Variants in ERCC5 observed in about 807,000 individuals in gnomAD.
ERCC5 encodes the protein DNA excision repair protein ERCC-5.
ERCC5 carries 68 observed loss-of-function variants against 105.6 expected under a neutral mutation model. That is an observed-to-expected ratio of 0.64 (90% confidence interval 0.53 to 0.79). The LOEUF (loss-of-function observed/expected upper bound fraction) is 0.79, where lower values mean the gene tolerates loss of function less well. Among genes scored for constraint, ERCC5 ranks in the 30% least tolerant of loss-of-function variants. ERCC5 has a pLI of 0.00. For synonymous variants in ERCC5, 546 were observed against 526.2 expected (o/e 1.04, Z -0.51); for missense variants, 1,373 against 1,426.7 (o/e 0.96, Z 0.61).
Position 102,865,329 on chromosome 13 carries a change from G to A in ERCC5, c.1955-338G>A, listed in dbSNP as rs187027566. On this transcript the variant is annotated intron_variant, in intron 8 of 14. Transcript: ENST00000652225. The surrounding 1 kb of genome is among the most constrained non-coding windows in gnomAD (Gnocchi z 4.0). ...AACATACTGAGCAACTTCCATGATT[G>A]TTTATATACTTTGATAATCCTCCTT... 2.7e-4 allele frequency: 95 copies of A among 350,810 alleles called. No individual in the cohort carries two copies. The highest frequency in any genetic ancestry group is 8.9e-4 in the Admixed American group (22 of 24,606). The allele number at this position is 350,810 out of a possible 1,614,324, so 21.7% of individuals were successfully genotyped here.
chr13:102,863,996 C>T (rs1882740644), intron 8 of ERCC5, among the ~76,000 whole-genome samples: 1 of 151,884 alleles, frequency 6.6e-6, no homozygotes, highest in South Asian at 2.1e-4. Context: ...GAAATGTGTT[C>T]ATATATATGT....
Position 102,852,203 on chromosome 13 carries a change from GT to G in ERCC5, c.177del (p.His60IlefsTer24). On this transcript the variant is annotated frameshift_variant, in exon 2 of 15. Transcript: ENST00000652225. LOFTEE classifies it high-confidence loss of function. ...TAGAAAATCCTCATCTTCTCACTTTGTTTCATCGGCTCTGCAAACTCTTATT... is the reference window on the plus strand; with the variant it reads ...TAGAAAATCCTCATCTTCTCACTTTGTTCATCGGCTCTGCAAACTCTTATT... The part of the protein sequence containing the change: ...SIENPHLLTL[F>X]HRLCKLLFFR... 6.2e-7 allele frequency: 1 copy of G among 1,614,078 alleles called. No individual in the cohort carries two copies. The highest frequency in any genetic ancestry group is 2.2e-5 in the East Asian group (1 of 44,862).
chr13:102,868,340 G>GT, intron 12 of ERCC5, 83 bp downstream of exon 12: 22 of 1,522,326 alleles, frequency 1.4e-5, no homozygotes, highest in Non-Finnish European at 1.7e-5. Context: ...AGCATGAACT[G>GT]TCATGCTGTA....
At position 102,864,126 on chromosome 13, in the gene ERCC5, CCACACACACACA is replaced by C. The variant is rs10647676; in HGVS notation, c.1954+1052_1954+1063del. ...TGGCCACTTTGAATAAGAGAATCAACCACACACACACACACACACACACACACACACACACAC... is the reference window on the plus strand; with the variant it reads ...TGGCCACTTTGAATAAGAGAATCAACCACACACACACACACACACACACAC... On this transcript the variant is annotated intron_variant, in intron 8 of 14. Coordinates refer to ENST00000652225, the MANE Select transcript of ERCC5 (RefSeq NM_000123.4). Among the ~76,000 whole-genome samples the C allele has an allele frequency of 1.6e-3, 226 of 140,968 alleles. 1 individual carries two copies. The highest frequency in any genetic ancestry group is 5.8e-3 in the African/African-American group (215 of 37,186). The allele number at this position is 140,968 out of a possible 152,430, so 92.5% of individuals were successfully genotyped here.
At position 102,875,580 on chromosome 13, in the gene ERCC5, G is replaced by C. The variant is rs9514067; in HGVS notation, c.3238G>C (p.Gly1080Arg). Residue 1080 changes from glycine to arginine, a missense_variant, in exon 15 of 15, where the codon GGA becomes CGA. By Grantham distance (125) the Gly-to-Arg change is moderately radical. Transcript: ENST00000652225. ...AAGAAAGAGGCTTTCAGATTCTAAA[G>C]GAAAGAATACATGCGGTGGATTTTT... ...LKRKRLSDSK[G>R]KNTCGGFLGE... is the part of the protein sequence containing the mutation. 1 allele frequency: 1,612,514 copies of C among 1,613,176 alleles called. 805,928 individuals carry two copies. Among genetic ancestry groups the C allele is most frequent in the Middle Eastern group, 1 (6,058 of 6,058 alleles).
Position 102,866,350 on chromosome 13 carries a change from C to T in ERCC5, c.2288C>T (p.Thr763Ile), listed in dbSNP as rs2140532044. The stretch of plus-strand genomic sequence containing the variant: ...CAGCAGCAAGAACGGATCGCTGCTA[C>T]TGTCACCGGACAGATGTTCCTGGAA... ...QKQQQERIAA[T>I]VTGQMFLESQ... Residue 763 changes from threonine to isoleucine, a missense_variant, in exon 10 of 15, where the codon ACT becomes ATT. Coordinates refer to ENST00000652225, the MANE Select transcript of ERCC5 (RefSeq NM_000123.4). The T allele has an allele frequency of 6.2e-7, 1 of 1,614,188 alleles. No individual in the cohort carries two copies. Among genetic ancestry groups the T allele is most frequent in the Non-Finnish European group, 8.5e-7 (1 of 1,180,002 alleles).
Position 102,852,241 on chromosome 13 carries a change from G to T in ERCC5, c.212G>T (p.Arg71Leu). 1 of 1,613,918 alleles carries T rather than the reference G, an allele frequency of 6.2e-7. No homozygotes were observed. Among genetic ancestry groups the T allele is most frequent in the Non-Finnish European group, 8.5e-7 (1 of 1,179,978 alleles). ...RLCKLLFFRI[R>L]PIFVFDGDAP... ...TGCAAACTCTTATTTTTTCGAATTC[G>T]TCCTATTTTTGTGTTTGATGGGGAT... The change falls in exon 2 of 15, where the codon CGT (arginine) becomes CTT (leucine). Residue 71 changes from arginine to leucine, a missense_variant. Arg to Leu is a moderately radical substitution (Grantham distance 102, BLOSUM62 -2). Around this residue, in one of 3 missense-constraint regions of ERCC5, gnomAD observed 1,004 missense variants for 1,059.7 expected, o/e 0.95. Coordinates refer to ENST00000652225, the MANE Select transcript of ERCC5 (RefSeq NM_000123.4).
intron 13 of ERCC5, among the ~76,000 whole-genome samples, chr13:102,872,900 T>C (rs1401235310): frequency 1.3e-5 from 2 of 152,262 alleles, no homozygotes; most frequent in African/African-American, 4.8e-5. Context: ...GGATAGATGT[T>C]TCAAAACTTG....
intron 5 of ERCC5, 72 bp downstream of exon 5, chr13:102,856,184 T>A: frequency 6.7e-7 from 1 of 1,490,214 alleles, no homozygotes; most frequent in Non-Finnish European, 9.3e-7. Flanking sequence ...TGAATATTAA[T>A]GAGGTATATC....
Position 102,862,070 on chromosome 13 carries a change from TCTTC to T in ERCC5, c.926_929del (p.Pro309LeufsTer12). 6.2e-7 allele frequency: 1 copy of T among 1,614,238 alleles called. No individual in the cohort carries two copies. On this transcript the variant is annotated frameshift_variant, in exon 8 of 15. Coordinates refer to ENST00000652225, the MANE Select transcript of ERCC5 (RefSeq NM_000123.4). LOFTEE classifies it high-confidence loss of function. ...CAGTTGCAGAAGTGGATTCAGAGTC[TCTTC>T]CTTCTTCCAGCAAAATGCACGGCAT... is the stretch of plus-strand genomic sequence containing the variant.
In ERCC5 at chr13:102,847,541, T is replaced by G. The variant is rs1876357659; in HGVS notation, c.88+1187T>G. On this transcript the variant is annotated intron_variant, in intron 1 of 14. Transcript: ENST00000652225. ...ACAAAACTTATAAATAAAACGACAT[T>G]GATAAGTTTTAAAACATAATGAGAT... Among the ~76,000 whole-genome samples the G allele has an allele frequency of 2.0e-5, 3 of 152,136 alleles. 1 individual carries two copies. In the South Asian group the frequency reaches 6.2e-4, roughly 31 times the overall value.
chr13:102,871,385 A>C (rs1459148533), intron 12 of ERCC5, among the ~76,000 whole-genome samples: 1 of 152,258 alleles, frequency 6.6e-6, no homozygotes, highest in East Asian at 1.9e-4. Context: ...ATTTAGGCTT[A>C]GAATGGAAAA....
In ERCC5 at chr13:102,849,353, G is replaced by A. The variant is rs192807102; in HGVS notation, c.89-2765G>A. Reference sequence around the variant, plus strand: ...ATGTTCTAGAAACTTCCCAGTGGCCGTATCACCTCCTGCCATTCCTTTTGT... The same window carrying A: ...ATGTTCTAGAAACTTCCCAGTGGCCATATCACCTCCTGCCATTCCTTTTGT... On this transcript the variant is annotated intron_variant, in intron 1 of 14. Coordinates refer to ENST00000652225, the MANE Select transcript of ERCC5 (RefSeq NM_000123.4). 283 of 518,908 alleles carry A rather than the reference G, an allele frequency of 5.5e-4. 2 individuals are homozygous for A. Among genetic ancestry groups the A allele is most frequent in the African/African-American group, 4.9e-3 (254 of 52,050 alleles). 32.1% of individuals were successfully genotyped at this position (518,908 alleles called of 1,614,324 possible). A position where few individuals can be genotyped will look rare whatever the true frequency, so the allele number is the denominator to read the frequency against.
chr13:102,869,740 C>T (rs1012915388), intron 12 of ERCC5, among the ~76,000 whole-genome samples: 11 of 152,126 alleles, frequency 7.2e-5, no homozygotes, highest in African/African-American at 2.4e-4. Context: ...CCTTAATCTT[C>T]GGGTTCTTAT....
intron 1 of ERCC5, among the ~76,000 whole-genome samples, chr13:102,851,816 A>G (rs1882216553): frequency 7.0e-6 from 1 of 142,804 alleles, no homozygotes; most frequent in Non-Finnish European, 1.5e-5. Context: ...AATTCATGAA[A>G]ATTCTTTAGC....
chr13:102,875,000 G>A (rs1883162426), intron 14 of ERCC5: 1 of 292,132 alleles, frequency 3.4e-6, no homozygotes, highest in African/African-American at 2.2e-5. Context: ...TGAGGAAGAT[G>A]AAATGTTTAG....
At position 102,868,205 on chromosome 13, in the gene ERCC5, G is replaced by C; in HGVS notation, c.2626G>C (p.Glu876Gln). The change falls in exon 12 of 15, where the codon GAA (glutamate) becomes CAA (glutamine). Residue 876 changes from glutamate (E) to glutamine (Q), a missense_variant. Physicochemically the swap from Glu to Gln is conservative, Grantham distance 29. This residue lies in a region of ERCC5 where 1,004 missense variants were observed against 1,059.7 expected (regional missense o/e 0.95). Transcript: ENST00000652225. ...IPTVGCVTAM[E>Q]ILNEFPGHGL... ...AACTGTGGGTTGTGTAACCGCCATG[G>C]AAATTCTCAATGAATTCCCTGGGCA... is the stretch of plus-strand genomic sequence containing the variant. The C allele has an allele frequency of 1.2e-6, 2 of 1,614,174 alleles. No homozygotes were observed. The highest frequency in any genetic ancestry group is 1.7e-6 in the Non-Finnish European group (2 of 1,180,026).
intron 8 of ERCC5, among the ~76,000 whole-genome samples, chr13:102,864,126 C>CCACAGACACACACA (rs1032920813): frequency 1.4e-4 from 20 of 140,918 alleles, no homozygotes; most frequent in African/African-American, 4.9e-4. Context: ...AGAGAATCAA[C>CCACAGACACACACA]CACACACACA....
chr13:102,853,890 G>T lies in ERCC5; in HGVS notation c.380+18G>T, dbSNP rs1416200387. 6.2e-7 allele frequency: 1 copy of T among 1,608,784 alleles called. No homozygotes were observed. Among genetic ancestry groups the T allele is most frequent in the Non-Finnish European group, 8.5e-7 (1 of 1,175,276 alleles). On this transcript the variant is annotated intron_variant, in intron 3 of 14. Coordinates refer to ENST00000652225, the MANE Select transcript of ERCC5 (RefSeq NM_000123.4). ...AGCAAAAGGCAAGAGGAAAATTATAGTCGTGTTAGAGATGAAGTTTTAAAA... is the reference window on the plus strand; with the variant it reads ...AGCAAAAGGCAAGAGGAAAATTATATTCGTGTTAGAGATGAAGTTTTAAAA...
Sources: gnomAD v4.1 joint callset for allele counts (sites outside exome capture counted in the v4.1 genomes callset) on GRCh38, gnomAD v4.1.1 for gene constraint, gnomAD v4.1.1 regional missense constraint, Gnocchi (gnomAD v3.1) non-coding constraint, MANE v1.5 for transcripts, NCBI Gene and HGNC (gene_info 2026-07-23, HGNC 2026-07-21) for gene names.